NPC1L1: variants seen among roughly 807,000 people sequenced by gnomAD.
The protein encoded by NPC1L1 is NPC1 like intracellular cholesterol transporter 1.
Under a neutral mutation model 117.0 loss-of-function variants are expected in NPC1L1, and 98 were observed. The ratio of observed to expected loss-of-function variants is 0.84; its 90% CI spans 0.71 to 0.99. NPC1L1 has a LOEUF of 0.99. Among genes scored for constraint, NPC1L1 ranks in the 50% least tolerant of loss-of-function variants. NPC1L1 has a pLI of 0.00. For missense variants in NPC1L1, 1,540 were observed against 1,710.0 expected (o/e 0.90, Z 1.75); for synonymous variants, 729 against 727.6 (o/e 1.00, Z -0.03).
chr7:44,517,486 A>G (rs1171706503), intron 14 of NPC1L1, 129 bp from the exon 15 acceptor site: 5 of 1,160,060 alleles, frequency 4.3e-6, no homozygotes, highest in South Asian at 3.9e-5. Flanking sequence ...TGCCACCACC[A>G]TTTGAAATTC....
intron 14 of NPC1L1, among the ~76,000 whole-genome samples, chr7:44,519,370 C>T (rs892636034): frequency 6.6e-6 from 1 of 152,136 alleles, no homozygotes; most frequent in Admixed American, 6.6e-5. Context: ...CCTTCCAGGC[C>T]CTGCTCCTCA....
rs770061436 is a variant in NPC1L1 at position 44,513,275 on chromosome 7, G to A, written c.*172C>T. Reference sequence around the variant, plus strand: ...CACTATGGGAGCAGAGGAGCCATCAGTGGTGCTGCCTGGATACCTCAAGAG... The same window carrying A: ...CACTATGGGAGCAGAGGAGCCATCAATGGTGCTGCCTGGATACCTCAAGAG... On this transcript the variant is annotated 3_prime_UTR_variant, in exon 19 of 19. Coordinates refer to ENST00000381160, the MANE Select transcript of NPC1L1 (RefSeq NM_001101648.2). 1.2e-5 allele frequency: 8 copies of A among 679,400 alleles called. No individual in the cohort carries two copies. The highest frequency in any genetic ancestry group is 2.1e-5 in the Non-Finnish European group (8 of 381,532). 42.1% of individuals were successfully genotyped at this position (679,400 alleles called of 1,614,324 possible).
In NPC1L1 at chr7:44,528,515, A is replaced by T. The variant is rs1167760464; in HGVS notation, c.2637+3240T>A. 5.3e-5 allele frequency among the ~76,000 whole-genome samples: 8 copies of T among 152,234 alleles called. No homozygotes were observed. The East Asian group carries it at 9.6e-4, about 18-fold the overall frequency. ...AAAGTTGGCATAAATTTAGAGTGTT[A>T]TAACTTCAGCACATTTAAGATAATC... On this transcript the variant is annotated intron_variant, in intron 10 of 18. Coordinates refer to ENST00000381160, the MANE Select transcript of NPC1L1 (RefSeq NM_001101648.2).
Position 44,534,596 on chromosome 7 carries a change from C to G in NPC1L1, c.2017G>C (p.Val673Leu), listed in dbSNP as rs1801811386. ...DSKATLGLGG[V>L]AVVLGAVMAA... ...ATGACTGCTCCCAGGACCACGGCCA[C>G]CCCGCCGAGGCCCAGCGTGGCCTTG... The change falls in exon 6 of 19, where the codon GTG becomes CTG. Residue 673 changes from valine to leucine, a missense_variant. Around this residue, in one of 3 missense-constraint regions of NPC1L1, gnomAD observed 742 missense variants for 873.6 expected, o/e 0.85. Coordinates refer to ENST00000381160, the MANE Select transcript of NPC1L1 (RefSeq NM_001101648.2). This position sits in a 1 kb window ranked among gnomAD's most constrained non-coding sequence, Gnocchi z 5.2. 2 of 1,614,092 alleles carry G rather than the reference C, an allele frequency of 1.2e-6. No homozygotes were observed. Among genetic ancestry groups the G allele is most frequent in the East Asian group, 2.2e-5 (1 of 44,884 alleles).
At chr7:44,530,216 T>C (rs1801653945) in intron 10 of NPC1L1, among the ~76,000 whole-genome samples, 1 of 152,094 alleles carries the variant, frequency 6.6e-6, no homozygotes, top group African/African-American at 2.4e-5. Flanking sequence ...CGGCCACCTG[T>C]AATCCCAGTT....
At chr7:44,514,634 C>T (rs1801129965) in intron 18 of NPC1L1, among the ~76,000 whole-genome samples, 2 of 152,052 alleles carry the variant, frequency 1.3e-5, no homozygotes. Context: ...CGCCACTGCA[C>T]TCCAGCCTGG....
intron 17 of NPC1L1, 46 bp from the exon 18 acceptor site, chr7:44,516,011 G>A: frequency 6.2e-7 from 1 of 1,610,820 alleles, no homozygotes; most frequent in Non-Finnish European, 8.5e-7. Flanking sequence ...AGGGCATCAG[G>A]CAGGGCACAG....
At chr7:44,514,486 A>G (rs1441317972) in intron 18 of NPC1L1, among the ~76,000 whole-genome samples, 2 of 152,022 alleles carry the variant, frequency 1.3e-5, no homozygotes, top group Non-Finnish European at 2.9e-5. Context: ...CCTGACCAAC[A>G]TGGTGAAACC....
At chr7:44,532,055 C>T in intron 9 of NPC1L1, 25 bp downstream of exon 9, 1 of 1,614,132 alleles carries the variant, frequency 6.2e-7, no homozygotes, top group Non-Finnish European at 8.5e-7. Flanking sequence ...TGCCCCTGCT[C>T]TCGTGTGGTT....
At chr7:44,521,253 C>T in intron 12 of NPC1L1, 135 bp from the exon 13 acceptor site, 1 of 1,177,796 alleles carries the variant, frequency 8.5e-7, no homozygotes, top group Non-Finnish European at 1.2e-6. Flanking sequence ...GGGGGATTTG[C>T]ATTTGTCATT....
chr7:44,516,651 A>AT, intron 16 of NPC1L1, 52 bp downstream of exon 16: 1 of 1,405,314 alleles, frequency 7.1e-7, no homozygotes, highest in Non-Finnish European at 9.9e-7. Flanking sequence ...ATGAGGCTGG[A>AT]TCCCCAACCA....
chr7:44,519,918 G>T (rs954851337), intron 14 of NPC1L1, among the ~76,000 whole-genome samples: 1 of 151,178 alleles, frequency 6.6e-6, no homozygotes, highest in Non-Finnish European at 1.5e-5. Context: ...CATTCTTCCC[G>T]CCCAGCCTTC....
At chr7:44,522,012 CAG>C in intron 11 of NPC1L1, 38 bp downstream of exon 11, 3 of 1,609,004 alleles carry the variant, frequency 1.9e-6, no homozygotes, top group East Asian at 2.2e-5. Context: ...GGGACTCAAA[CAG>C]GGAGTAGGCT....
intron 11 of NPC1L1, 52 bp from the exon 12 acceptor site, chr7:44,521,888 G>A (rs1175087849): frequency 6.2e-7 from 1 of 1,612,180 alleles, no homozygotes; most frequent in South Asian, 1.1e-5. Flanking sequence ...CAGGGTGGTG[G>A]GTCCTTCTCG....
intron 10 of NPC1L1, among the ~76,000 whole-genome samples, chr7:44,528,930 G>C (rs1801608001): frequency 6.6e-6 from 1 of 151,968 alleles, no homozygotes. Flanking sequence ...AATTAGCCAG[G>C]CATGGTGGCA....
chr7:44,522,541 G>A (rs1186292845), intron 10 of NPC1L1, among the ~76,000 whole-genome samples: 3 of 152,084 alleles, frequency 2.0e-5, no homozygotes, highest in Admixed American at 1.3e-4. Flanking sequence ...CATGCTCAGA[G>A]GTCACACACA....
rs747409231 is a variant in NPC1L1, at chr7:44,536,355, A to ACTGTGC, written c.1754_1755insGCACAG (p.Arg585_Leu586insHisSer). 1 of 1,614,212 alleles carries ACTGTGC rather than the reference A, an allele frequency of 6.2e-7. No homozygotes were observed. The highest frequency in any genetic ancestry group is 8.5e-7 in the Non-Finnish European group (1 of 1,180,024). On this transcript the variant is annotated inframe_insertion, in exon 4 of 19. Transcript: ENST00000381160. This position sits in a 1 kb window ranked among gnomAD's most constrained non-coding sequence, Gnocchi z 4.7. The stretch of plus-strand genomic sequence containing the variant: ...CCTCCCACAGCTTGGCCTGGGCCAG[A>ACTGTGC]CGGGGGTCCCCGGCAGGGTAATTGT...
At chr7:44,517,775 T>G (rs1188051130) in intron 14 of NPC1L1, among the ~76,000 whole-genome samples, 2 of 152,176 alleles carry the variant, frequency 1.3e-5, no homozygotes, top group Non-Finnish European at 2.9e-5. Flanking sequence ...GAGCTGTGGC[T>G]TAGGGCTCCT....
In NPC1L1 at chr7:44,536,308, C is replaced by T. The variant is rs767641944; in HGVS notation, c.1802G>A (p.Arg601Gln). The T allele has an allele frequency of 3.7e-6, 6 of 1,614,232 alleles. No individual in the cohort carries two copies. Among genetic ancestry groups the T allele is most frequent in the Non-Finnish European group, 5.1e-6 (6 of 1,180,030 alleles). ...LWEEAFLEEMRAFQRRMAGMF... is the reference protein window; with the variant it reads ...LWEEAFLEEMQAFQRRMAGMF... ...GCCAGCCATCCGACGCTGGAAGGCT[C>T]GCATTTCCTCTAAGAAGGCCTCCTC... The change falls in exon 4 of 19, where the codon CGA becomes CAA. Residue 601 changes from arginine (R) to glutamine (Q), a missense_variant. Arg to Gln is a conservative substitution (Grantham distance 43). Transcript: ENST00000381160. This position sits in a 1 kb window ranked among gnomAD's most constrained non-coding sequence, Gnocchi z 4.7.
Sources: allele counts gnomAD v4.1 joint callset (sites outside exome capture counted in the v4.1 genomes callset), GRCh38; gene constraint gnomAD v4.1.1; regional missense constraint gnomAD v4.1.1; non-coding constraint Gnocchi (gnomAD v3.1); transcripts MANE v1.5; gene names NCBI Gene and HGNC (gene_info 2026-07-23, HGNC 2026-07-21).